The following SLCO2B1 variants were observed in gnomAD, a reference collection of about 807,000 sequenced individuals.
The protein encoded by SLCO2B1 is solute carrier organic anion transporter family member 2B1.
In SLCO2B1, 41 loss-of-function variants were observed where a neutral mutation model predicts 67.3. The ratio of observed to expected loss-of-function variants is 0.61; its 90% CI spans 0.47 to 0.79. SLCO2B1 has a LOEUF of 0.79. Ranked by LOEUF, SLCO2B1 falls within the 30% of genes least tolerant of loss-of-function variation. The pLI is 0.00. For missense variants in SLCO2B1, 837 were observed against 920.1 expected (o/e 0.91, Z 1.17); for synonymous variants, 379 against 381.4 (o/e 0.99, Z 0.07).
chr11:75,200,290 A>G lies in SLCO2B1; in HGVS notation c.1666A>G (p.Thr556Ala). 1 of 1,613,848 alleles carries G rather than the reference A, an allele frequency of 6.2e-7. No individual in the cohort carries two copies. The highest frequency in any genetic ancestry group is 8.5e-7 in the Non-Finnish European group (1 of 1,179,938). Reference protein sequence around the residue: ...NPVLAGSCDSTCSHLVVPFLL... With the variant: ...NPVLAGSCDSACSHLVVPFLL... ...CGTGCTGGCAGGATCCTGCGACTCA[A>G]CGTGCAGCCATCTGGTGGTGCCCTT... is the stretch of plus-strand genomic sequence containing the variant. Residue 556 changes from threonine to alanine, a missense_variant, in exon 11 of 14, where the codon ACG becomes GCG. Thr to Ala is a moderately conservative substitution (Grantham distance 58). Coordinates refer to ENST00000289575, the MANE Select transcript of SLCO2B1 (RefSeq NM_007256.5).
chr11:75,184,104 C>T (rs1950120595), intron 7 of SLCO2B1, among the ~76,000 whole-genome samples: 1 of 152,174 alleles, frequency 6.6e-6, no homozygotes, highest in African/African-American at 2.4e-5. Flanking sequence ...TCAAGAACTC[C>T]CTGGCGGCAT....
At chr11:75,151,761 G>A in intron 1 of SLCO2B1, 2 of 313,252 alleles carry the variant, frequency 6.4e-6, no homozygotes, top group Non-Finnish European at 1.2e-5. Flanking sequence ...GAAAAGTGTA[G>A]TCAGACAGTG....
At chr11:75,168,136 A>G (rs551753298) in intron 4 of SLCO2B1, among the ~76,000 whole-genome samples, 8 of 151,722 alleles carry the variant, frequency 5.3e-5, no homozygotes, top group Non-Finnish European at 1.0e-4. Context: ...CAGGTGATCC[A>G]CCCTGCTCGG....
chr11:75,203,416 G>C lies in SLCO2B1; in HGVS notation c.1938G>C (p.Leu646=). 1.9e-6 allele frequency: 3 copies of C among 1,614,178 alleles called. No individual in the cohort carries two copies. The highest frequency in any genetic ancestry group is 2.5e-6 in the Non-Finnish European group (3 of 1,180,012). The change falls in exon 13 of 14, where the codon CTG becomes CTC. Residue 646 remains leucine, a synonymous_variant. Transcript: ENST00000289575. The stretch of plus-strand genomic sequence containing the variant: ...TCTGTCGCTACTACAATAATGACCT[G>C]CTCCGAAACCGGTGAGACCTGGTTT... ...RAVCRYYNND[L]LRNRFIGLQF...
chr11:75,157,938 A>G (rs971330447), intron 1 of SLCO2B1, among the ~76,000 whole-genome samples: 1 of 152,204 alleles, frequency 6.6e-6, no homozygotes, highest in Non-Finnish European at 1.5e-5. Context: ...GGCGTGAGCC[A>G]CTGCGCCTGG....
chr11:75,185,501 C>CTTTTTTT (rs11381669), intron 7 of SLCO2B1, among the ~76,000 whole-genome samples: 3 of 106,188 alleles, frequency 2.8e-5, no homozygotes, highest in African/African-American at 7.8e-5. Context: ...GTATAAGTCT[C>CTTTTTTT]TTTTTTTTTT....
chr11:75,181,323 T>C (rs1390318483), intron 7 of SLCO2B1, among the ~76,000 whole-genome samples: 1 of 149,932 alleles, frequency 6.7e-6, no homozygotes, highest in Non-Finnish European at 1.5e-5. Flanking sequence ...TGAGCCGAGA[T>C]TGCATCATTG....
rs1487971228 is a variant in SLCO2B1, at chr11:75,204,437, G to A, written c.1987G>A (p.Val663Met). Residue 663 changes from valine (V) to methionine (M), a missense_variant, in exon 14 of 14, where the codon GTG becomes ATG. By Grantham distance (21) the Val-to-Met change is conservative. Coordinates refer to ENST00000289575, the MANE Select transcript of SLCO2B1 (RefSeq NM_007256.5). ...GLQFFFKTGSVICFALVLAVL... is the reference protein window; with the variant it reads ...GLQFFFKTGSMICFALVLAVL... Reference sequence around the variant, plus strand: ...CCAGTTCTTCTTCAAAACAGGTTCTGTGATCTGCTTCGCCTTAGTTTTGGC... The same window carrying A: ...CCAGTTCTTCTTCAAAACAGGTTCTATGATCTGCTTCGCCTTAGTTTTGGC... 1.4e-5 allele frequency: 22 copies of A among 1,611,762 alleles called. No individual in the cohort carries two copies. In the East Asian group the frequency reaches 4.9e-4, roughly 36 times the overall value.
intron 3 of SLCO2B1, among the ~76,000 whole-genome samples, chr11:75,165,425 C>T (rs905769796): frequency 4.0e-5 from 5 of 123,842 alleles, no homozygotes; most frequent in African/African-American, 1.5e-4. Flanking sequence ...AGAGAAATTC[C>T]GTCTCAAAAA....
At position 75,193,438 on chromosome 11, in the gene SLCO2B1, C is replaced by T; in HGVS notation, c.1296C>T (p.Val432=). ...IVGIVVGGVL[V]KRLHLGPVGC... is the part of the protein sequence containing the mutation. ...GCATCGTGGTGGGTGGCGTCCTGGT[C>T]AAGCGGCTCCACCTGGGCCCTGTGG... The change falls in exon 9 of 14, where the codon GTC becomes GTT. Residue 432 remains valine (V), a synonymous_variant. Coordinates refer to ENST00000289575, the MANE Select transcript of SLCO2B1 (RefSeq NM_007256.5). The surrounding 1 kb of genome is among the most constrained non-coding windows in gnomAD (Gnocchi z 4.2). 3.7e-6 allele frequency: 6 copies of T among 1,613,720 alleles called. No homozygotes were observed. Among genetic ancestry groups the T allele is most frequent in the Non-Finnish European group, 5.1e-6 (6 of 1,179,702 alleles).
At chr11:75,199,007 C>G (rs923944403) in intron 10 of SLCO2B1, among the ~76,000 whole-genome samples, 16 of 151,862 alleles carry the variant, frequency 1.1e-4, no homozygotes, top group African/African-American at 3.9e-4. Flanking sequence ...AAGCCTCCAG[C>G]CTTTGCGTTC....
intron 10 of SLCO2B1, among the ~76,000 whole-genome samples, chr11:75,199,257 C>G (rs777112100): frequency 2.6e-5 from 4 of 152,194 alleles, no homozygotes; most frequent in Non-Finnish European, 5.9e-5. Context: ...TGCATTGGTT[C>G]TGCCGGCCAG....
chr11:75,183,655 G>A (rs1037148956), intron 7 of SLCO2B1, among the ~76,000 whole-genome samples: 2 of 152,136 alleles, frequency 1.3e-5, no homozygotes, highest in African/African-American at 4.8e-5. Flanking sequence ...CTCTTGAGTA[G>A]CTGGGACCAC....
At chr11:75,163,412 G>GT (rs996088788) in intron 2 of SLCO2B1, among the ~76,000 whole-genome samples, 18 of 152,168 alleles carry the variant, frequency 1.2e-4, no homozygotes, top group Non-Finnish European at 2.5e-4. Flanking sequence ...GTGGGGTTCA[G>GT]TGTGTGCAGG....
chr11:75,172,490 C>T lies in SLCO2B1; in HGVS notation c.893C>T (p.Pro298Leu). The T allele has an allele frequency of 6.2e-7, 1 of 1,614,160 alleles. No individual in the cohort carries two copies. The highest frequency in any genetic ancestry group is 8.5e-7 in the Non-Finnish European group (1 of 1,180,020). Residue 298 changes from proline to leucine, a missense_variant, in exon 7 of 14, where the codon CCC becomes CTC. By Grantham distance (98) the Pro-to-Leu change is moderately conservative. Transcript: ENST00000289575. ...GCTGCCATCCCCTACTTCTTCTTCC[C>T]CAAGGAAATGCCCAAGGAAAAACGT... ...ALAAIPYFFFPKEMPKEKREL... is the reference protein window; with the variant it reads ...ALAAIPYFFFLKEMPKEKREL...
chr11:75,188,582 T>A (rs1429376840), intron 8 of SLCO2B1, among the ~76,000 whole-genome samples: 1 of 152,042 alleles, frequency 6.6e-6, no homozygotes, highest in Admixed American at 6.6e-5. Context: ...AAAAATTAGC[T>A]GGGCATGATG....
chr11:75,200,478 AG>A, intron 11 of SLCO2B1, 91 bp downstream of exon 11: 1 of 1,365,156 alleles, frequency 7.3e-7, no homozygotes, highest in Non-Finnish European at 9.8e-7. Context: ...AGTTCAAGAA[AG>A]GAGGCCACTT....
At chr11:75,167,607 C>G (rs373559262) in intron 4 of SLCO2B1, among the ~76,000 whole-genome samples, 13 of 152,258 alleles carry the variant, frequency 8.5e-5, no homozygotes, top group African/African-American at 3.1e-4. Context: ...CTGCAGGGCA[C>G]TGGGGACACA....
chr11:75,185,936 A>T (rs1393407319), intron 7 of SLCO2B1, among the ~76,000 whole-genome samples: 1 of 152,192 alleles, frequency 6.6e-6, no homozygotes, highest in Non-Finnish European at 1.5e-5. Flanking sequence ...TGTTCTCCAG[A>T]CATGGGGCTA....
Sources: allele counts gnomAD v4.1 joint callset (sites outside exome capture counted in the v4.1 genomes callset), GRCh38; gene constraint gnomAD v4.1.1; non-coding constraint Gnocchi (gnomAD v3.1); transcripts MANE v1.5; gene names NCBI Gene and HGNC (gene_info 2026-07-23, HGNC 2026-07-21).